AGBL1: variants seen among roughly 807,000 people sequenced by gnomAD.
The protein encoded by AGBL1 is cytosolic carboxypeptidase 4.
Under a neutral mutation model 118.9 loss-of-function variants are expected in AGBL1, and 130 were observed. That is an observed-to-expected ratio of 1.09 (90% confidence interval 0.95 to 1.26). AGBL1 has a LOEUF of 1.26. Ranked by LOEUF, AGBL1 falls within the 50% of genes most tolerant of loss-of-function variation. The probability of loss-of-function intolerance (pLI) is 0.00; values close to 1 mark genes in which losing one functional copy is unlikely to be tolerated. For synonymous variants in AGBL1, 555 were observed against 478.9 expected (o/e 1.16, Z -2.08); for missense variants, 1,584 against 1,298.1 (o/e 1.22, Z -3.38).
At chr15:86,922,294 T>C (rs1187021331) in intron 23 of AGBL1, among the ~76,000 whole-genome samples, 1 of 152,142 alleles carries the variant, frequency 6.6e-6, no homozygotes, top group Non-Finnish European at 1.5e-5. Context: ...TCCAGAAACA[T>C]GTTGTTATTT....
At chr15:86,273,758 A>T (rs189777149) in intron 15 of AGBL1, among the ~76,000 whole-genome samples, 2 of 152,254 alleles carry the variant, frequency 1.3e-5, no homozygotes, top group East Asian at 3.9e-4. Flanking sequence ...AAAGTCCCAG[A>T]TTTGGTGCCA....
chr15:86,300,302 T>G (rs1245488336), intron 17 of AGBL1, among the ~76,000 whole-genome samples: 1 of 152,132 alleles, frequency 6.6e-6, no homozygotes, highest in Admixed American at 6.6e-5. Context: ...TTGAGTCCCA[T>G]TTTAGTTTGG....
At chr15:86,237,750 T>A (rs75954825) in intron 6 of AGBL1, among the ~76,000 whole-genome samples, 17,971 of 152,124 alleles carry the variant, frequency 0.12, 1,402 homozygotes, top group African/African-American at 0.21. Context: ...CTTGCAGAGA[T>A]GCAAAAACAA....
chr15:86,128,008 G>GT (rs915978406), intron 1 of AGBL1, among the ~76,000 whole-genome samples: 9 of 152,138 alleles, frequency 5.9e-5, no homozygotes, highest in South Asian at 2.1e-4. Context: ...CCATTCATAT[G>GT]TTTTTTTGGG....
chr15:86,925,060 C>G (rs1273660766), intron 23 of AGBL1, among the ~76,000 whole-genome samples: 1 of 150,696 alleles, frequency 6.6e-6, no homozygotes, highest in Admixed American at 6.7e-5. Context: ...CGAGACTGCA[C>G]CACTGCACTC....
At chr15:86,683,998 G>T (rs74907110) in intron 22 of AGBL1, among the ~76,000 whole-genome samples, 2 of 152,018 alleles carry the variant, frequency 1.3e-5, no homozygotes, top group Non-Finnish European at 2.9e-5. Context: ...TAGTCCTTTA[G>T]GTCAAAGCCA....
At chr15:86,478,225 T>C (rs1474718066) in intron 18 of AGBL1, among the ~76,000 whole-genome samples, 4 of 152,188 alleles carry the variant, frequency 2.6e-5, no homozygotes, top group Admixed American at 6.5e-5. Context: ...TTGGAAGTTC[T>C]GACCAGGGCA....
At chr15:86,921,404 C>A (rs961484565) in intron 23 of AGBL1, among the ~76,000 whole-genome samples, 1 of 152,150 alleles carries the variant, frequency 6.6e-6, no homozygotes, top group South Asian at 2.1e-4. Context: ...TCTGAAAAAA[C>A]AACTCAGGGA....
At chr15:86,286,401 G>C (rs933169326) in intron 16 of AGBL1, among the ~76,000 whole-genome samples, 32 of 148,244 alleles carry the variant, frequency 2.2e-4, no homozygotes, top group Middle Eastern at 3.5e-3. Context: ...TAGATGACCA[G>C]ACGTTATTCC....
At chr15:86,262,078 C>CTTTTTTTCTTTTT (rs2078997642) in intron 9 of AGBL1, among the ~76,000 whole-genome samples, 1 of 52,768 alleles carries the variant, frequency 1.9e-5, no homozygotes, top group Admixed American at 3.3e-4. Flanking sequence ...GCATAGCTGG[C>CTTTTTTTCTTTTT]TTTTTTTTTT....
chr15:86,499,717 T>A (rs573512445), intron 18 of AGBL1, among the ~76,000 whole-genome samples: 1 of 151,970 alleles, frequency 6.6e-6, no homozygotes, highest in East Asian at 1.9e-4. Flanking sequence ...GGTATACATT[T>A]TAAATGCATT....
At chr15:87,005,980 A>T (rs1370193925) in intron 24 of AGBL1, among the ~76,000 whole-genome samples, 2 of 152,182 alleles carry the variant, frequency 1.3e-5, no homozygotes, top group African/African-American at 4.8e-5. Flanking sequence ...GTTTGCCTGG[A>T]TATTAGCAGC....
intron 22 of AGBL1, among the ~76,000 whole-genome samples, chr15:86,896,364 C>T (rs184439498): frequency 2.7e-4 from 41 of 151,258 alleles, no homozygotes; most frequent in Non-Finnish European, 4.6e-4. Flanking sequence ...TAGTCTTCAC[C>T]CCCTCTCAGG....
At chr15:86,697,605 G>A (rs1179442582) in intron 22 of AGBL1, among the ~76,000 whole-genome samples, 1 of 151,220 alleles carries the variant, frequency 6.6e-6, no homozygotes, top group African/African-American at 2.4e-5. Flanking sequence ...ATTTCTTCTT[G>A]GTTTGGCTCC....
intron 18 of AGBL1, among the ~76,000 whole-genome samples, chr15:86,441,707 C>T (rs1567262149): frequency 6.6e-6 from 1 of 152,212 alleles, no homozygotes; most frequent in Non-Finnish European, 1.5e-5. Flanking sequence ...CAGAATCTAA[C>T]CATAGCTGTT....
chr15:86,684,757 T>C (rs1260897898), intron 22 of AGBL1, among the ~76,000 whole-genome samples: 1 of 152,150 alleles, frequency 6.6e-6, no homozygotes, highest in Non-Finnish European at 1.5e-5. Flanking sequence ...TTTTTGGCTT[T>C]AACATTAGGG....
At chr15:86,138,048 A>C (rs1220312566) in intron 1 of AGBL1, among the ~76,000 whole-genome samples, 1 of 152,232 alleles carries the variant, frequency 6.6e-6, no homozygotes, top group Non-Finnish European at 1.5e-5. Flanking sequence ...TAGCTTGAGA[A>C]ATTAATAAAA....
At chr15:86,230,223 C>T (rs934921977) in intron 6 of AGBL1, among the ~76,000 whole-genome samples, 1 of 152,196 alleles carries the variant, frequency 6.6e-6, no homozygotes, top group African/African-American at 2.4e-5. Flanking sequence ...CAGACAGCCT[C>T]ATAGTCTCAG....
chr15:86,084,300 C>T (rs1301292572), intron 1 of AGBL1, among the ~76,000 whole-genome samples: 2 of 152,198 alleles, frequency 1.3e-5, no homozygotes, highest in Non-Finnish European at 2.9e-5. Flanking sequence ...ATTACTTTCA[C>T]AGCTTCTTAC....
Sources: allele counts gnomAD v4.1 joint callset (sites outside exome capture counted in the v4.1 genomes callset), GRCh38; gene constraint gnomAD v4.1.1; transcripts MANE v1.5; gene names NCBI Gene and HGNC (gene_info 2026-07-23, HGNC 2026-07-21).